The following CCDC171 variants were observed in gnomAD, a reference collection of about 807,000 sequenced individuals.
CCDC171 encodes coiled-coil domain-containing protein 171.
In CCDC171, 177 loss-of-function variants were observed where a neutral mutation model predicts 168.2. The ratio of observed to expected loss-of-function variants is 1.05; its 90% confidence interval spans 0.93 to 1.19. The LOEUF is 1.19. Ranked by LOEUF, CCDC171 falls within the 50% of genes most tolerant of loss-of-function variation. The pLI is 0.00. For missense variants in CCDC171, 1,991 were observed against 1,539.0 expected, an observed-to-expected ratio of 1.29 and a Z score of -4.91; for synonymous variants, 687 against 540.8, an observed-to-expected ratio of 1.27 and a Z score of -3.75.
At chr9:15,621,260 C>A (rs1219953864) in intron 6 of CCDC171, among the ~76,000 whole-genome samples, 1 of 152,098 alleles carries the variant, frequency 6.6e-6, no homozygotes, top group African/African-American at 2.4e-5. Context: ...AGCCACTGTG[C>A]CTGACCTCAA....
intron 21 of CCDC171, among the ~76,000 whole-genome samples, chr9:15,795,619 G>T (rs1428264656): frequency 6.6e-6 from 1 of 152,194 alleles, no homozygotes; most frequent in Non-Finnish European, 1.5e-5. Context: ...GGCCAGAGTT[G>T]ATAATAATAA....
intron 3 of CCDC171, among the ~76,000 whole-genome samples, chr9:16,019,711 C>G (rs566714001): frequency 6.6e-6 from 1 of 152,270 alleles, no homozygotes; most frequent in East Asian, 1.9e-4. Context: ...TCATTATCCC[C>G]ATGAAACATC....
chr9:16,030,068 G>A (rs541028260), intron 6 of CCDC171, among the ~76,000 whole-genome samples: 10 of 152,260 alleles, frequency 6.6e-5, no homozygotes, highest in Admixed American at 2.0e-4. Context: ...GCTCTCTGGG[G>A]CCTCTTTTTT....
intron 24 of CCDC171, among the ~76,000 whole-genome samples, chr9:15,910,143 G>A (rs1442766696): frequency 6.7e-6 from 1 of 149,442 alleles, no homozygotes; most frequent in Non-Finnish European, 1.5e-5. Context: ...TTTTTTTAAT[G>A]CCTGTGTTGT....
At chr9:16,040,646 TAG>T (rs1253840253), upstream of CCDC171, among the ~76,000 whole-genome samples, 1 of 152,234 alleles carries the variant, frequency 6.6e-6, no homozygotes, top group Non-Finnish European at 1.5e-5. Context: ...GGTTAAATCA[TAG>T]AGTGTTTTAC....
At chr9:15,883,026 C>CTGCCTGCCTGCCTG (rs1563932804) in intron 24 of CCDC171, 19 of 330,260 alleles carry the variant, frequency 5.8e-5, no homozygotes, top group Admixed American at 1.6e-4. Flanking sequence ...TCCTCCCCTC[C>CTGCCTGCCTGCCTG]CCTCCCCTTC....
chr9:15,966,617 A>T (rs1830812919), intron 25 of CCDC171, among the ~76,000 whole-genome samples: 1 of 152,012 alleles, frequency 6.6e-6, no homozygotes, highest in Admixed American at 6.6e-5. Flanking sequence ...ATTTGTTTCT[A>T]CCTGTATGGT....
intron 4 of CCDC171, among the ~76,000 whole-genome samples, chr9:15,589,799 G>A (rs1460551529): frequency 6.6e-6 from 1 of 151,928 alleles, no homozygotes; most frequent in Non-Finnish European, 1.5e-5. Context: ...CCAGAAATTA[G>A]AATTAAAAAG....
the CCDC171 span, among the ~76,000 whole-genome samples, chr9:16,088,055 A>C: frequency 2.6e-5 from 4 of 152,200 alleles, no homozygotes; most frequent in African/African-American, 7.2e-5. Flanking sequence ...CTGGGATGCA[A>C]GGCTGGTTCA....
chr9:16,040,757 G>T (rs1171148946), upstream of CCDC171, among the ~76,000 whole-genome samples: 2 of 152,178 alleles, frequency 1.3e-5, no homozygotes, highest in African/African-American at 4.8e-5. Context: ...ATACACAAAT[G>T]GAGTAACAGT....
At chr9:15,599,243 TTG>T (rs2042635574) in intron 6 of CCDC171, among the ~76,000 whole-genome samples, 1 of 152,192 alleles carries the variant, frequency 6.6e-6, no homozygotes, top group Non-Finnish European at 1.5e-5. Context: ...CTTCCTAGCC[TTG>T]ATGGTCTTTA....
In CCDC171 at chr9:15,874,057, T is replaced by C. The variant is rs900872197; in HGVS notation, c.3469-475T>C. ...TCTCCTTTTGTGTTGAGTATATTTG[T>C]TTTGATTCTAGAGTACATGTTATTG... is the stretch of plus-strand genomic sequence containing the variant. On this transcript the variant is annotated intron_variant, in intron 23 of 25. Transcript: ENST00000380701. Among the ~76,000 whole-genome samples the C allele has an allele frequency of 2.6e-5, 4 of 152,112 alleles. No individual in the cohort carries two copies. The South Asian group carries it at 8.3e-4, about 32-fold the overall frequency.
the CCDC171 span, among the ~76,000 whole-genome samples, chr9:16,083,148 A>T: frequency 6.6e-6 from 1 of 152,238 alleles, no homozygotes; most frequent in Non-Finnish European, 1.5e-5. Context: ...TAGGGTTATC[A>T]TAGGAATACA....
the CCDC171 span, among the ~76,000 whole-genome samples, chr9:16,076,107 T>G: frequency 0.043 from 6,601 of 152,088 alleles, 195 homozygotes; most frequent in African/African-American, 0.086. Flanking sequence ...GTGAATGCTC[T>G]GGGCCAGTCA....
At chr9:15,777,890 A>C in intron 19 of CCDC171, 64 bp downstream of exon 19, 2 of 1,079,588 alleles carry the variant, frequency 1.9e-6, no homozygotes, top group Non-Finnish European at 2.6e-6. Context: ...GAATTAGCCT[A>C]ATTTGTAGTT....
In CCDC171 at chr9:15,619,914, T is replaced by C. The variant is rs562676529; in HGVS notation, c.676-3353T>C. Among the ~76,000 whole-genome samples the C allele has an allele frequency of 5.3e-5, 8 of 152,314 alleles. No homozygotes were observed. The South Asian group carries it at 1.7e-3, about 32-fold the overall frequency. Reference sequence around the variant, plus strand: ...CAAATCCTAGGGCCCTTAAGAATTATGCTACATATACTCTGCCTGTGCTCT... The same window carrying C: ...CAAATCCTAGGGCCCTTAAGAATTACGCTACATATACTCTGCCTGTGCTCT... On this transcript the variant is annotated intron_variant, in intron 6 of 25. Transcript: ENST00000380701.
chr9:15,849,494 C>CT (rs1441143326), intron 23 of CCDC171, among the ~76,000 whole-genome samples: 1 of 151,270 alleles, frequency 6.6e-6, no homozygotes, highest in Non-Finnish European at 1.5e-5. Flanking sequence ...ATGATAAACT[C>CT]TGAGTGTTAA....
intron 25 of CCDC171, among the ~76,000 whole-genome samples, chr9:15,924,965 G>T (rs1282335660): frequency 6.6e-6 from 1 of 151,386 alleles, no homozygotes; most frequent in Non-Finnish European, 1.5e-5. Context: ...GCTTACTTGT[G>T]CTCGGCCTTC....
At chr9:15,989,575 G>C (rs1832116981) in intron 3 of CCDC171, among the ~76,000 whole-genome samples, 1 of 152,158 alleles carries the variant, frequency 6.6e-6, no homozygotes, top group African/African-American at 2.4e-5. Flanking sequence ...AAACTGGATG[G>C]AGAATGACTT....
Sources: gnomAD v4.1 joint callset for allele counts (sites outside exome capture counted in the v4.1 genomes callset) on GRCh38, gnomAD v4.1.1 for gene constraint, MANE v1.5 for transcripts, NCBI Gene and HGNC (gene_info 2026-07-23, HGNC 2026-07-21) for gene names.